Variants in ASCC1 observed in about 807,000 individuals in gnomAD.
ASCC1 encodes activating signal cointegrator 1 complex subunit 1.
Under a neutral mutation model 46.6 loss-of-function variants are expected in ASCC1, and 35 were observed. The observed-to-expected ratio is 0.75, with a 90% CI of 0.57 to 0.99. The LOEUF is 0.99. ASCC1 is among the 50% of genes least tolerant of loss of function. The pLI is 0.00. For synonymous variants in ASCC1, 143 were observed against 146.6 expected (o/e 0.98, Z 0.18); for missense variants, 376 against 428.7 (o/e 0.88, Z 1.09).
intron 5 of ASCC1, among the ~76,000 whole-genome samples, chr10:72,182,058 AG>A (rs1334405654): frequency 6.6e-6 from 1 of 152,224 alleles, no homozygotes; most frequent in Non-Finnish European, 1.5e-5. Context: ...AAGACATTCG[AG>A]GAAATAATGA....
chr10:72,190,461 CA>C lies in ASCC1; in HGVS notation c.489+6349del, dbSNP rs1854248301. ...AGGGAGATGCGTGGGCTGACATCTGCAGGCCGAAAGAGCCGTGGCCTTGGAA... is the reference window on the plus strand; with the variant it reads ...AGGGAGATGCGTGGGCTGACATCTGCGGCCGAAAGAGCCGTGGCCTTGGAA... On this transcript the variant is annotated intron_variant, in intron 5 of 9. Coordinates refer to ENST00000672957, the MANE Select transcript of ASCC1 (RefSeq NM_001198800.3). The C allele has an allele frequency of 3.8e-6, 6 of 1,598,566 alleles. No homozygotes were observed. The East Asian group carries it at 1.3e-4, about 36-fold the overall frequency.
intron 5 of ASCC1, among the ~76,000 whole-genome samples, chr10:72,171,263 C>T (rs1444129561): frequency 6.6e-6 from 1 of 152,210 alleles, no homozygotes; most frequent in East Asian, 1.9e-4. Flanking sequence ...AGAAGTCTAA[C>T]ATGAGTCAGC....
At chr10:72,199,283 C>A (rs1856125121) in intron 4 of ASCC1, among the ~76,000 whole-genome samples, 1 of 150,802 alleles carries the variant, frequency 6.6e-6, no homozygotes, top group African/African-American at 2.4e-5. Flanking sequence ...GCCATCACAC[C>A]CAGCTAATTT....
intron 5 of ASCC1, among the ~76,000 whole-genome samples, chr10:72,177,583 C>G (rs2132964557): frequency 6.6e-6 from 1 of 152,254 alleles, no homozygotes; most frequent in East Asian, 1.9e-4. Context: ...TGAGAAATCC[C>G]CTGTTGCTTC....
chr10:72,129,234 G>A (rs913551245), intron 8 of ASCC1, among the ~76,000 whole-genome samples: 3 of 152,132 alleles, frequency 2.0e-5, no homozygotes, highest in African/African-American at 7.2e-5. Context: ...AAGAGAAAGA[G>A]AATGTGTGAA....
At chr10:72,166,856 T>TA (rs1291383854) in intron 5 of ASCC1, among the ~76,000 whole-genome samples, 13 of 152,116 alleles carry the variant, frequency 8.5e-5, no homozygotes, top group Non-Finnish European at 1.8e-4. Context: ...CATTAGTCAT[T>TA]AAAGAAACGC....
Position 72,096,357 on chromosome 10 carries a change from C to A in ASCC1, c.*977G>T, listed in dbSNP as rs1841090968. 2.2e-6 allele frequency: 1 copy of A among 453,984 alleles called. No individual in the cohort carries two copies. The highest frequency in any genetic ancestry group is 2.0e-5 in the African/African-American group (1 of 49,992). The allele number at this position is 453,984 out of a possible 1,614,324, so 28.1% of individuals were successfully genotyped here. A position where few individuals can be genotyped will look rare whatever the true frequency, so the allele number is the denominator to read the frequency against. ...CTCTGCACAGTCCTGCTGATATCATCAGTTTCTTTTGCTGCTGCCTTGAAA... is the reference window on the plus strand; with the variant it reads ...CTCTGCACAGTCCTGCTGATATCATAAGTTTCTTTTGCTGCTGCCTTGAAA... On this transcript the variant is annotated 3_prime_UTR_variant, in exon 10 of 10. Coordinates refer to ENST00000672957, the MANE Select transcript of ASCC1 (RefSeq NM_001198800.3).
rs113921901 is a variant in ASCC1 at position 72,176,743 on chromosome 10, C to T, written c.490-15069G>A. On this transcript the variant is annotated intron_variant, in intron 5 of 9. Coordinates refer to ENST00000672957, the MANE Select transcript of ASCC1 (RefSeq NM_001198800.3). ...GGTGCCATGTCATTTCCACTCTTAA[C>T]TCCTACCTCTTCCTTACTCTACCTC... 6.1e-3 allele frequency among the ~76,000 whole-genome samples: 934 copies of T among 152,232 alleles called. 6 individuals carry two copies. Among genetic ancestry groups the T allele is most frequent in the African/African-American group, 0.021 (859 of 41,524 alleles).
chr10:72,195,559 A>ATT (rs748108068), intron 5 of ASCC1, among the ~76,000 whole-genome samples: 3 of 146,802 alleles, frequency 2.0e-5, no homozygotes, highest in African/African-American at 7.8e-5. Context: ...ATTTTATTTT[A>ATT]TTTATTTTTT....
intron 9 of ASCC1, among the ~76,000 whole-genome samples, chr10:72,117,179 C>T (rs1843589073): frequency 6.6e-6 from 1 of 152,150 alleles, no homozygotes; most frequent in Non-Finnish European, 1.5e-5. Flanking sequence ...GTTTTTAGTC[C>T]AAGTCTGATA....
intron 8 of ASCC1, among the ~76,000 whole-genome samples, chr10:72,131,340 A>G (rs1589272272): frequency 6.6e-6 from 1 of 152,040 alleles, no homozygotes; most frequent in African/African-American, 2.4e-5. Context: ...AATTGCTTCA[A>G]CCTGGGGGGC....
intron 8 of ASCC1, among the ~76,000 whole-genome samples, chr10:72,131,334 G>A (rs1159091647): frequency 3.9e-5 from 6 of 151,942 alleles, no homozygotes; most frequent in Admixed American, 1.3e-4. Context: ...CAGGAGAATT[G>A]CTTCAACCTG....
chr10:72,216,992 CTCTA>C (rs1201548281), upstream of ASCC1: 3 of 455,338 alleles, frequency 6.6e-6, no homozygotes, highest in African/African-American at 2.0e-5. Context: ...CACAGCGCTT[CTCTA>C]TCTCCTGCAT....
Position 72,097,144 on chromosome 10 carries a change from T to C in ASCC1, c.*190A>G, listed in dbSNP as rs1841179366. Reference sequence around the variant, plus strand: ...GGGTTATAGGCACAAATTCTCCTTATGCCCACCACCATCTCAGCTGGTAGT... The same window carrying C: ...GGGTTATAGGCACAAATTCTCCTTACGCCCACCACCATCTCAGCTGGTAGT... On this transcript the variant is annotated 3_prime_UTR_variant, in exon 10 of 10. Coordinates refer to ENST00000672957, the MANE Select transcript of ASCC1 (RefSeq NM_001198800.3). 2 of 682,598 alleles carry C rather than the reference T, an allele frequency of 2.9e-6. No homozygotes were observed. Among genetic ancestry groups the C allele is most frequent in the Non-Finnish European group, 2.7e-6 (1 of 365,630 alleles). 42.3% of individuals were successfully genotyped at this position (682,598 alleles called of 1,614,324 possible).
At chr10:72,172,711 A>G (rs1156484295) in intron 5 of ASCC1, among the ~76,000 whole-genome samples, 1 of 138,948 alleles carries the variant, frequency 7.2e-6, no homozygotes, top group Admixed American at 7.8e-5. Context: ...TATATATATT[A>G]TATATAATAT....
intron 5 of ASCC1, among the ~76,000 whole-genome samples, chr10:72,162,080 A>C (rs1194758584): frequency 6.6e-6 from 1 of 152,232 alleles, no homozygotes; most frequent in Non-Finnish European, 1.5e-5. Context: ...AATATTTGCA[A>C]GTAATTTACC....
intron 6 of ASCC1, among the ~76,000 whole-genome samples, chr10:72,154,768 A>G (rs1486750726): frequency 6.6e-6 from 1 of 152,212 alleles, no homozygotes; most frequent in Non-Finnish European, 1.5e-5. Flanking sequence ...CTGGGATTAC[A>G]GGCGTGAGCC....
intron 5 of ASCC1, among the ~76,000 whole-genome samples, chr10:72,192,362 G>C (rs1854644277): frequency 6.6e-6 from 1 of 150,982 alleles, no homozygotes; most frequent in South Asian, 2.1e-4. Flanking sequence ...AGCTGTGCCA[G>C]AAGAATCGCT....
In ASCC1 at chr10:72,107,311, C is replaced by CA. The variant is rs536017669; in HGVS notation, c.958-9862_958-9861insT. Among the ~76,000 whole-genome samples, 1,358 of 136,346 alleles carry CA rather than the reference C, an allele frequency of 1.0e-2. 12 individuals carry two copies. The highest frequency in any genetic ancestry group is 0.034 in the African/African-American group (1,292 of 38,358). 89.4% of individuals were successfully genotyped at this position (136,346 alleles called of 152,430 possible). On this transcript the variant is annotated intron_variant, in intron 9 of 9. Coordinates refer to ENST00000672957, the MANE Select transcript of ASCC1 (RefSeq NM_001198800.3). ...AGTTCACAAATAAGTTACCCCCCCC[C>CA]CAAAAAAATAAATTTTGTTTCAAAG...
Sources: gnomAD v4.1 joint callset for allele counts (sites outside exome capture counted in the v4.1 genomes callset) on GRCh38, gnomAD v4.1.1 for gene constraint, MANE v1.5 for transcripts, NCBI Gene and HGNC (gene_info 2026-07-23, HGNC 2026-07-21) for gene names.